The following SERF2 variants were observed in gnomAD, a reference collection of about 807,000 sequenced individuals.
The protein encoded by SERF2 is gastric cancer-related protein VRG107.
In SERF2, 4 loss-of-function variants were observed where a neutral mutation model predicts 10.7. The observed-to-expected ratio is 0.37, with a 90% confidence interval of 0.18 to 0.86. The LOEUF (loss-of-function observed/expected upper bound fraction) is 0.86, where lower values mean the gene tolerates loss of function less well. SERF2 is among the 40% of genes least tolerant of loss of function. The pLI is 0.43. For missense variants in SERF2, 47 were observed against 79.1 expected (o/e 0.59, Z 1.54); for synonymous variants, 26 against 26.0 (o/e 1.00, Z 0.01).
Position 43,795,641 on chromosome 15 carries a change from C to G in SERF2, c.*1868C>G. 6.2e-7 allele frequency: 1 copy of G among 1,611,198 alleles called. No homozygotes were observed. Among genetic ancestry groups the G allele is most frequent in the Middle Eastern group, 1.7e-4 (1 of 6,054 alleles). Reference sequence around the variant, plus strand: ...AAGGCTCTTGAGGGTTCTTATGGCACTCCACAGAGATCTACCACTTCTTAT... The same window carrying G: ...AAGGCTCTTGAGGGTTCTTATGGCAGTCCACAGAGATCTACCACTTCTTAT... On this transcript the variant is annotated 3_prime_UTR_variant, in exon 3 of 3. Coordinates refer to ENST00000249786, the MANE Select transcript of SERF2 (RefSeq NM_001018108.4).
At chr15:43,792,217 A>C, upstream of SERF2, 82 of 652,230 alleles carry the variant, frequency 1.3e-4, no homozygotes, top group Non-Finnish European at 1.5e-4. Flanking sequence ...CGACCCGTGG[A>C]TCCACGTGCT....
In SERF2 at chr15:43,784,774, A is replaced by G. The variant is rs2086992161; in HGVS notation, c.-526-636A>G. On this transcript the variant is annotated intron_variant, in intron 1 of 4. Transcript: ENST00000381359. ...CCCGGCCCTAATTAATTTTTTTGAG[A>G]CGGTGTCTCACTCTGTCGCCCAAGT... Among the ~76,000 whole-genome samples the G allele has an allele frequency of 2.0e-5, 3 of 147,708 alleles. No homozygotes were observed. In the South Asian group the frequency reaches 6.5e-4, roughly 32 times the overall value.
In SERF2 at chr15:43,794,770, G is replaced by A; in HGVS notation, c.*997G>A. ...GGTTCTTTGAGCTGCTGATTTGGGT[G>A]TTAGGCTCTTGAGCTGGGATGCAGA... is the stretch of plus-strand genomic sequence containing the variant. On this transcript the variant is annotated 3_prime_UTR_variant, in exon 3 of 3. Transcript: ENST00000249786. The A allele has an allele frequency of 4.0e-6, 2 of 500,852 alleles. No individual in the cohort carries two copies. Among genetic ancestry groups the A allele is most frequent in the Non-Finnish European group, 3.6e-6 (1 of 279,856 alleles). The allele number at this position is 500,852 out of a possible 1,614,324, so 31.0% of individuals were successfully genotyped here.
chr15:43,785,704 CTTTTTTT>C lies in SERF2; in HGVS notation c.-402+183_-402+189del, dbSNP rs71415810. On this transcript the variant is annotated intron_variant, in intron 2 of 4. Transcript: ENST00000381359. The stretch of plus-strand genomic sequence containing the variant: ...TCCTCTGGGACTGAATTTTCTTTTT[CTTTTTTT>C]TTTTTTTTTTTTGAGACAGATACTT... 1.1e-4 allele frequency among the ~76,000 whole-genome samples: 14 copies of C among 122,688 alleles called. No individual in the cohort carries two copies. In the East Asian group the frequency reaches 1.4e-3, roughly 13 times the overall value. The allele number at this position is 122,688 out of a possible 152,430, so 80.5% of individuals were successfully genotyped here.
Position 43,795,596 on chromosome 15 carries a change from C to G in SERF2, c.*1823C>G. ...GAGCTGCTGAAACACCTCTTCCCCT[C>G]TCCCCCAACTACCTTTGTTAAGGCT... On this transcript the variant is annotated 3_prime_UTR_variant, in exon 3 of 3. Transcript: ENST00000249786. 6.2e-7 allele frequency: 1 copy of G among 1,611,862 alleles called. No individual in the cohort carries two copies. Among genetic ancestry groups the G allele is most frequent in the Non-Finnish European group, 8.5e-7 (1 of 1,178,138 alleles).
intron 1 of SERF2, among the ~76,000 whole-genome samples, chr15:43,780,087 A>T (rs2086952363): frequency 6.6e-6 from 1 of 152,136 alleles, no homozygotes; most frequent in Admixed American, 6.6e-5. Flanking sequence ...TGTGAATATA[A>T]TTGTTTTTCT....
rs1275566874 is a variant in SERF2 at position 43,792,791 on chromosome 15, A to T, written c.8-184A>T. The T allele has an allele frequency of 4.4e-6, 3 of 685,572 alleles. No individual in the cohort carries two copies. In the Admixed American group the frequency reaches 8.8e-5, roughly 20 times the overall value. The allele number at this position is 685,572 out of a possible 1,614,324, so 42.5% of individuals were successfully genotyped here. On this transcript the variant is annotated intron_variant, in intron 1 of 2. Coordinates refer to ENST00000249786, the MANE Select transcript of SERF2 (RefSeq NM_001018108.4). ...CCTCCCTTCTCTAGTCCGTATTTTG[A>T]CCTGGCCCGTGGCAGATTCGCCACT...
At chr15:43,777,905 G>A (rs1453480603) in intron 1 of SERF2, 1 of 151,208 alleles carries the variant, frequency 6.6e-6, no homozygotes, top group Non-Finnish European at 1.5e-5. Context: ...GAACCTTAAC[G>A]TCCTCTACTA....
chr15:43,780,567 G>A lies in SERF2; in HGVS notation c.-527+3065G>A, dbSNP rs569597841. Among the ~76,000 whole-genome samples, 19 of 152,108 alleles carry A rather than the reference G, an allele frequency of 1.2e-4. No individual in the cohort carries two copies. The South Asian group carries it at 1.7e-3, about 13-fold the overall frequency. ...ACTCTATATCCATTTAACAATTCCC[G>A]ATTTCCCCCTCCTCCCAGCCCCTAG... On this transcript the variant is annotated intron_variant, in intron 1 of 4. Transcript: ENST00000381359.
Position 43,793,971 on chromosome 15 carries a change from G to A in SERF2, c.*198G>A, listed in dbSNP as rs1207142570. ...CTCCCCCTGGGCCACTCCCGGGGGT[G>A]AGGGGGTTACCCCTTCCCAGTGTTT... is the stretch of plus-strand genomic sequence containing the variant. On this transcript the variant is annotated 3_prime_UTR_variant, in exon 3 of 3. Transcript: ENST00000249786. The A allele has an allele frequency of 1.3e-6, 2 of 1,535,228 alleles. No individual in the cohort carries two copies. Among genetic ancestry groups the A allele is most frequent in the Non-Finnish European group, 1.8e-6 (2 of 1,140,366 alleles).
rs367712193 is a variant in SERF2, at chr15:43,793,045, C to T, written c.78C>T (p.Arg26=). The T allele has an allele frequency of 7.4e-6, 12 of 1,613,030 alleles. No individual in the cohort carries two copies. In the Admixed American group the frequency reaches 1.3e-4, roughly 18 times the overall value. Residue 26 remains arginine, a synonymous_variant, in exon 2 of 3, where the codon CGC becomes CGT. Transcript: ENST00000249786. ...AGAGCGACTCGGTTAAGGGAAAGCG[C>T]CGAGATGACGGGCTTTCTGCTGCCG... ...KKQSDSVKGK[R]RDDGLSAAAR...
At chr15:43,786,420 A>C (rs1363702567) in intron 2 of SERF2, among the ~76,000 whole-genome samples, 4 of 151,624 alleles carry the variant, frequency 2.6e-5, no homozygotes, top group Non-Finnish European at 4.4e-5. Flanking sequence ...GTCTCAAAAA[A>C]AAAAAAAAAA....
In SERF2 at chr15:43,792,358, T is replaced by C; in HGVS notation, c.-19T>C. On this transcript the variant is annotated 5_prime_UTR_variant, in exon 1 of 3. Coordinates refer to ENST00000249786, the MANE Select transcript of SERF2 (RefSeq NM_001018108.4). ...ACGAGGGGACGTAACGGAGGCAGGT[T>C]GGAGCCGCTGCCGTCGCCATGACCC... is the stretch of plus-strand genomic sequence containing the variant. 1 of 1,601,442 alleles carries C rather than the reference T, an allele frequency of 6.2e-7. No individual in the cohort carries two copies. The highest frequency in any genetic ancestry group is 8.6e-7 in the Non-Finnish European group (1 of 1,168,678).
upstream of SERF2, among the ~76,000 whole-genome samples, chr15:43,787,706 T>A (rs1432737172): frequency 2.6e-5 from 4 of 150,988 alleles, no homozygotes; most frequent in Non-Finnish European, 3.0e-5. Flanking sequence ...CCAGAATTTT[T>A]TTTTTTTTTT....
chr15:43,784,458 TTTAA>T (rs1330479048), intron 1 of SERF2, among the ~76,000 whole-genome samples: 1 of 152,286 alleles, frequency 6.6e-6, no homozygotes, highest in Non-Finnish European at 1.5e-5. Flanking sequence ...ATTTATTTAT[TTTAA>T]TTAATTAATT....
At chr15:43,789,449 T>C (rs1274037849), upstream of SERF2, among the ~76,000 whole-genome samples, 2 of 152,168 alleles carry the variant, frequency 1.3e-5, no homozygotes, top group Non-Finnish European at 2.9e-5. Flanking sequence ...TTTCTCATCT[T>C]TTTGCTTTAG....
intron 2 of SERF2, among the ~76,000 whole-genome samples, chr15:43,786,067 T>C (rs1812662012): frequency 1.3e-5 from 2 of 151,902 alleles, no homozygotes; most frequent in African/African-American, 2.4e-5. Flanking sequence ...GACTGTTTTC[T>C]CCAACGCTTG....
intron 1 of SERF2, chr15:43,777,633 C>G (rs906284503): frequency 5.9e-6 from 1 of 169,794 alleles, no homozygotes; most frequent in African/African-American, 2.4e-5. Context: ...GAGCCAGAAC[C>G]CAGTCCTAGG....
Position 43,795,653 on chromosome 15 carries a change from C to T in SERF2, c.*1880C>T, listed in dbSNP as rs774611552. On this transcript the variant is annotated 3_prime_UTR_variant, in exon 3 of 3. Coordinates refer to ENST00000249786, the MANE Select transcript of SERF2 (RefSeq NM_001018108.4). ...GGTTCTTATGGCACTCCACAGAGAT[C>T]TACCACTTCTTATGGTTCCTCACTT... is the stretch of plus-strand genomic sequence containing the variant. 1.2e-6 allele frequency: 2 copies of T among 1,612,102 alleles called. No homozygotes were observed. The highest frequency in any genetic ancestry group is 1.7e-6 in the Non-Finnish European group (2 of 1,178,770).
Sources: allele counts gnomAD v4.1 joint callset (sites outside exome capture counted in the v4.1 genomes callset), GRCh38; gene constraint gnomAD v4.1.1; transcripts MANE v1.5; gene names NCBI Gene and HGNC (gene_info 2026-07-23, HGNC 2026-07-21).